CCDC102B: variants seen among roughly 807,000 people sequenced by gnomAD.
CCDC102B encodes the protein coiled-coil domain containing 102B, also known as coiled-coil domain-containing protein 102B.
A neutral mutation model predicts 57.4 loss-of-function variants in CCDC102B; 75 were observed. That is an observed-to-expected ratio of 1.31 (90% confidence interval 1.08 to 1.58). CCDC102B has a LOEUF of 1.58. Among genes scored for constraint, CCDC102B ranks in the 40% most tolerant of loss-of-function variants. The pLI, the probability that CCDC102B is intolerant of heterozygous loss-of-function variation, is 0.00. For missense variants in CCDC102B, 636 were observed against 582.6 expected, an observed-to-expected ratio of 1.09 and a Z score of -0.94; for synonymous variants, 206 against 201.9, an observed-to-expected ratio of 1.02 and a Z score of -0.17.
intron 2 of CCDC102B, among the ~76,000 whole-genome samples, chr18:68,773,057 A>G (rs2034693694): frequency 6.6e-6 from 1 of 152,098 alleles, no homozygotes; most frequent in African/African-American, 2.4e-5. Context: ...GAAGCTAGAA[A>G]GTTAAGAAAG....
chr18:68,841,073 C>T (rs942037000), intron 3 of CCDC102B, among the ~76,000 whole-genome samples: 1 of 152,158 alleles, frequency 6.6e-6, no homozygotes, highest in Admixed American at 6.6e-5. Context: ...GCATGCAATC[C>T]GCATGAGGCA....
chr18:68,945,439 A>G (rs2049512234), intron 6 of CCDC102B, among the ~76,000 whole-genome samples: 1 of 152,114 alleles, frequency 6.6e-6, no homozygotes, highest in African/African-American at 2.4e-5. Context: ...ATTTAAAAAT[A>G]TATCTATATT....
At chr18:68,872,179 G>A (rs2039264771) in intron 4 of CCDC102B, among the ~76,000 whole-genome samples, 1 of 152,182 alleles carries the variant, frequency 6.6e-6, no homozygotes, top group Non-Finnish European at 1.5e-5. Context: ...GCTTTCCAGT[G>A]TGTCAAGTCT....
rs1230804296 is a variant in CCDC102B at position 68,837,221 on chromosome 18, A to G, written c.458A>G (p.Lys153Arg). 6.2e-7 allele frequency: 1 copy of G among 1,614,176 alleles called. No homozygotes were observed. The highest frequency in any genetic ancestry group is 2.2e-5 in the East Asian group (1 of 44,866). ...LPPQKEALEA[K>R]VTQDLKLPGF... ...CCTCAGAAGGAGGCATTAGAAGCTA[A>G]AGTTACCCAGGATCTGAAGCTTCCT... is the stretch of plus-strand genomic sequence containing the variant. The change falls in exon 2 of 8, where the codon AAA becomes AGA. Residue 153 changes from lysine to arginine, a missense_variant. Coordinates refer to ENST00000360242, the MANE Select transcript of CCDC102B (RefSeq NM_024781.3).
intron 2 of CCDC102B, among the ~76,000 whole-genome samples, chr18:68,745,571 G>T (rs2033586317): frequency 6.6e-6 from 1 of 151,844 alleles, no homozygotes; most frequent in South Asian, 2.1e-4. Context: ...TCAAATATTT[G>T]GTGCTTCTTG....
intron 6 of CCDC102B, among the ~76,000 whole-genome samples, chr18:68,911,871 T>C (rs958060128): frequency 6.1e-5 from 9 of 146,734 alleles, no homozygotes; most frequent in African/African-American, 2.3e-4. Flanking sequence ...TACCTACATG[T>C]ACCCCTGAAC....
At chr18:68,880,721 A>T (rs1199364871) in intron 5 of CCDC102B, among the ~76,000 whole-genome samples, 1 of 152,238 alleles carries the variant, frequency 6.6e-6, no homozygotes, top group Non-Finnish European at 1.5e-5. Flanking sequence ...ATTCTCCTGC[A>T]TTTGAATATT....
intron 1 of CCDC102B, among the ~76,000 whole-genome samples, chr18:68,808,632 C>T (rs1048352168): frequency 1.3e-5 from 2 of 151,924 alleles, no homozygotes; most frequent in South Asian, 2.1e-4. Flanking sequence ...CGCCCGCCAC[C>T]ACGCCCGGAT....
chr18:68,952,820 C>T (rs1459659373), intron 6 of CCDC102B, among the ~76,000 whole-genome samples: 2 of 152,182 alleles, frequency 1.3e-5, no homozygotes, highest in Non-Finnish European at 1.5e-5. Context: ...ATTGTTGTAA[C>T]CATTTTGGAA....
chr18:69,011,322 T>C, intron 7 of CCDC102B: 1 of 495,226 alleles, frequency 2.0e-6, no homozygotes, highest in Non-Finnish European at 3.5e-6. Context: ...GAGTGCTCTA[T>C]AGTGTCAGTA....
intron 2 of CCDC102B, among the ~76,000 whole-genome samples, chr18:68,757,716 T>C (rs1437332897): frequency 2.0e-5 from 3 of 152,200 alleles, no homozygotes; most frequent in Non-Finnish European, 2.9e-5. Context: ...ATTATAGCTC[T>C]AGTTGCCACT....
At chr18:68,947,075 A>G (rs2049561494) in intron 6 of CCDC102B, among the ~76,000 whole-genome samples, 3 of 152,102 alleles carry the variant, frequency 2.0e-5, no homozygotes, top group Middle Eastern at 3.4e-3. Flanking sequence ...TGCCCTTTAC[A>G]TTGATTTTAA....
intron 4 of CCDC102B, among the ~76,000 whole-genome samples, chr18:68,850,754 C>T (rs1397960630): frequency 6.6e-6 from 1 of 151,998 alleles, no homozygotes; most frequent in East Asian, 1.9e-4. Context: ...GGCTTTCATT[C>T]ATTTAATCAA....
chr18:69,005,671 A>G (rs1378743138), intron 6 of CCDC102B, among the ~76,000 whole-genome samples: 7 of 151,710 alleles, frequency 4.6e-5, no homozygotes, highest in African/African-American at 1.2e-4. Flanking sequence ...ATAGAGAGCA[A>G]TATCCTTACA....
At chr18:68,789,357 C>T (rs1367848136) in intron 2 of CCDC102B, among the ~76,000 whole-genome samples, 10 of 152,050 alleles carry the variant, frequency 6.6e-5, no homozygotes, top group Non-Finnish European at 1.3e-4. Flanking sequence ...TCTGTATTTC[C>T]TGAATCTGAA....
intron 1 of CCDC102B, 74 bp from the exon 2 acceptor site, chr18:68,836,675 A>T: frequency 8.3e-7 from 1 of 1,206,300 alleles, no homozygotes; most frequent in Admixed American, 2.7e-5. Context: ...AAAAAAAAAA[A>T]AAAAGTGTAG....
chr18:68,895,656 T>G (rs940260456), intron 5 of CCDC102B, among the ~76,000 whole-genome samples: 1 of 151,790 alleles, frequency 6.6e-6, no homozygotes, highest in Non-Finnish European at 1.5e-5. Flanking sequence ...GAATTTTGAG[T>G]AGTTGACCCT....
chr18:68,809,418 A>G (rs570768083), intron 1 of CCDC102B, among the ~76,000 whole-genome samples: 20 of 152,344 alleles, frequency 1.3e-4, no homozygotes, highest in Non-Finnish European at 2.6e-4. Flanking sequence ...GTTATAGATT[A>G]TGGAATTCTG....
At chr18:68,763,457 G>T (rs2144593160) in intron 2 of CCDC102B, among the ~76,000 whole-genome samples, 1 of 152,214 alleles carries the variant, frequency 6.6e-6, no homozygotes, top group Non-Finnish European at 1.5e-5. Context: ...AATATTGGCA[G>T]AAAGAGTCTT....
Sources: gnomAD v4.1 joint callset for allele counts (sites outside exome capture counted in the v4.1 genomes callset) on GRCh38, gnomAD v4.1.1 for gene constraint, MANE v1.5 for transcripts, NCBI Gene and HGNC (gene_info 2026-07-23, HGNC 2026-07-21) for gene names.